Variants in ADCK1 observed in about 807,000 individuals in gnomAD.
The protein encoded by ADCK1 is aarF domain containing kinase 1.
In ADCK1, 41 loss-of-function variants were observed where a neutral mutation model predicts 52.3. That is an observed-to-expected ratio of 0.78 (90% confidence interval 0.61 to 1.02). The LOEUF is 1.02. ADCK1 is among the 50% of genes least tolerant of loss of function. The pLI, the probability that ADCK1 is intolerant of heterozygous loss-of-function variation, is 0.00. For missense variants in ADCK1, 658 were observed against 679.5 expected (o/e 0.97, Z 0.35); for synonymous variants, 250 against 274.6 (o/e 0.91, Z 0.89).
Position 77,894,736 on chromosome 14 carries a change from G to GTTTTTTTTTT in ADCK1, c.583-4345_583-4336dup. Among the ~76,000 whole-genome samples the GTTTTTTTTTT allele has an allele frequency of 7.1e-4, 26 of 36,470 alleles. 3 individuals carry two copies. The highest frequency in any genetic ancestry group is 2.1e-3 in the East Asian group (2 of 954). 23.9% of individuals were successfully genotyped at this position (36,470 alleles called of 152,430 possible). A position where few individuals can be genotyped will look rare whatever the true frequency, so the allele number is the denominator to read the frequency against. On this transcript the variant is annotated intron_variant, in intron 5 of 10. Transcript: ENST00000238561. ...TTATTTCTTTTTCTTTTCTTTTCTT[G>GTTTTTTTTTT]TTTTTTTTTTTTTTTTTTTTTTTTT... is the stretch of plus-strand genomic sequence containing the variant.
At chr14:77,886,018 A>G (rs1009938843) in intron 4 of ADCK1, among the ~76,000 whole-genome samples, 1 of 152,196 alleles carries the variant, frequency 6.6e-6, no homozygotes, top group Non-Finnish European at 1.5e-5. Flanking sequence ...AAGAGTGAGG[A>G]GTATATTTTC....
intron 3 of ADCK1, among the ~76,000 whole-genome samples, chr14:77,827,591 A>G (rs2081743365): frequency 6.6e-6 from 1 of 150,894 alleles, no homozygotes; most frequent in African/African-American, 2.4e-5. Flanking sequence ...TATGGCCCTC[A>G]GTTTGCCACT....
chr14:77,869,322 G>T (rs2082727474), intron 4 of ADCK1, among the ~76,000 whole-genome samples: 1 of 152,152 alleles, frequency 6.6e-6, no homozygotes, highest in African/African-American at 2.4e-5. Flanking sequence ...CTAGCTTCTG[G>T]GGGGTTTGCT....
At chr14:77,924,694 A>G (rs1412082477) in intron 8 of ADCK1, 88 bp downstream of exon 8, 1 of 1,538,902 alleles carries the variant, frequency 6.5e-7, no homozygotes, top group Non-Finnish European at 8.8e-7. Flanking sequence ...CGGGAGGGAG[A>G]TAGCGAGGGT....
At chr14:77,818,580 CCT>C (rs1311675708) in intron 1 of ADCK1, among the ~76,000 whole-genome samples, 1 of 152,144 alleles carries the variant, frequency 6.6e-6, no homozygotes, top group Non-Finnish European at 1.5e-5. Context: ...CCATGCTCAG[CCT>C]CTCTCTGCTT....
intron 7 of ADCK1, among the ~76,000 whole-genome samples, chr14:77,910,818 C>G (rs778236908): frequency 6.6e-6 from 1 of 152,174 alleles, no homozygotes; most frequent in East Asian, 1.9e-4. Flanking sequence ...GCAGGGCGTA[C>G]CCTCTGAGGA....
intron 4 of ADCK1, among the ~76,000 whole-genome samples, chr14:77,863,089 G>A (rs773468410): frequency 4.6e-5 from 7 of 152,216 alleles, no homozygotes; most frequent in East Asian, 3.9e-4. Flanking sequence ...GCGTTCAGCC[G>A]GTGAATAGTG....
At chr14:77,877,206 C>A (rs1432801915) in intron 4 of ADCK1, among the ~76,000 whole-genome samples, 1 of 152,190 alleles carries the variant, frequency 6.6e-6, no homozygotes, top group East Asian at 1.9e-4. Context: ...CAGGGTGAGA[C>A]TCTGTCTCAA....
rs144569941 is a variant in ADCK1 at position 77,809,901 on chromosome 14, G to C, written c.-11-9067G>C. On this transcript the variant is annotated intron_variant, in intron 1 of 10. Coordinates refer to ENST00000238561, the MANE Select transcript of ADCK1 (RefSeq NM_020421.4). ...AATACAAAAAAATTTAGCCGGGCGTGGTGGCACCTGCCTTTCGTCCCAGCT... is the reference window on the plus strand; with the variant it reads ...AATACAAAAAAATTTAGCCGGGCGTCGTGGCACCTGCCTTTCGTCCCAGCT... Among the ~76,000 whole-genome samples, 1,258 of 151,094 alleles carry C rather than the reference G, an allele frequency of 8.3e-3. 17 individuals carry two copies. The highest frequency in any genetic ancestry group is 0.029 in the African/African-American group (1,191 of 41,270).
Position 77,859,194 on chromosome 14 carries a change from G to A in ADCK1, c.338G>A (p.Ser113Asn), listed in dbSNP as rs779828368. The part of the protein sequence containing the change: ...LDYLLPEEYT[S>N]TLKVLHSQAP... ...TACCTGTTGCCAGAGGAGTACACCA[G>A]CACGCTGAAGGTACTGCACAGCCAG... The change falls in exon 4 of 11, where the codon AGC becomes AAC. Residue 113 changes from serine (S) to asparagine (N), a missense_variant. Physicochemically the swap from Ser to Asn is conservative, Grantham distance 46. Transcript: ENST00000238561. 6.2e-7 allele frequency: 1 copy of A among 1,614,074 alleles called. No individual in the cohort carries two copies. The highest frequency in any genetic ancestry group is 8.5e-7 in the Non-Finnish European group (1 of 1,180,012).
intron 2 of ADCK1, 51 bp downstream of exon 2, chr14:77,819,164 G>T: frequency 6.2e-7 from 1 of 1,610,068 alleles, no homozygotes; most frequent in Non-Finnish European, 8.5e-7. Flanking sequence ...ATTACTTGCA[G>T]GTGTTCATAC....
chr14:77,854,410 A>G (rs1387375836), intron 3 of ADCK1, among the ~76,000 whole-genome samples: 1 of 152,156 alleles, frequency 6.6e-6, no homozygotes, highest in Non-Finnish European at 1.5e-5. Context: ...CCAAGGGAGT[A>G]TAGTTAGAGT....
At chr14:77,845,325 C>T (rs1280506791) in intron 3 of ADCK1, among the ~76,000 whole-genome samples, 1 of 152,188 alleles carries the variant, frequency 6.6e-6, no homozygotes, top group Non-Finnish European at 1.5e-5. Context: ...TTATGCCTAC[C>T]ATAAATGAGA....
At chr14:77,841,745 G>A (rs2082072371) in intron 3 of ADCK1, among the ~76,000 whole-genome samples, 1 of 150,970 alleles carries the variant, frequency 6.6e-6, no homozygotes, top group South Asian at 2.1e-4. Flanking sequence ...CTGGGAGGCT[G>A]AGGCAGGAGA....
intron 5 of ADCK1, among the ~76,000 whole-genome samples, chr14:77,887,919 C>A (rs1476632572): frequency 6.6e-6 from 1 of 152,120 alleles, no homozygotes; most frequent in Non-Finnish European, 1.5e-5. Context: ...TTCTTGTTTC[C>A]CTTCCTTTGC....
chr14:77,825,606 G>C (rs2140047319), intron 3 of ADCK1, among the ~76,000 whole-genome samples: 1 of 151,814 alleles, frequency 6.6e-6, no homozygotes, highest in South Asian at 2.1e-4. Flanking sequence ...CCTGAATAAA[G>C]GTTTGTTGAA....
At chr14:77,920,022 A>G (rs1016281620) in intron 7 of ADCK1, among the ~76,000 whole-genome samples, 14 of 151,498 alleles carry the variant, frequency 9.2e-5, no homozygotes, top group Non-Finnish European at 1.9e-4. Context: ...ATTTTCTCCT[A>G]CTCTATGGAT....
intron 5 of ADCK1, among the ~76,000 whole-genome samples, chr14:77,892,942 C>T (rs903420912): frequency 6.6e-5 from 10 of 152,146 alleles, no homozygotes; most frequent in South Asian, 2.1e-4. Context: ...TGAACCTTCT[C>T]CCTTGGAGAG....
intron 3 of ADCK1, among the ~76,000 whole-genome samples, chr14:77,846,454 G>A (rs556348993): frequency 6.6e-6 from 1 of 152,204 alleles, no homozygotes; most frequent in African/African-American, 2.4e-5. Flanking sequence ...CTGGAAGCCA[G>A]GCCTGGTGTG....
Sources: allele counts gnomAD v4.1 joint callset (sites outside exome capture counted in the v4.1 genomes callset), GRCh38; gene constraint gnomAD v4.1.1; transcripts MANE v1.5; gene names NCBI Gene and HGNC (gene_info 2026-07-23, HGNC 2026-07-21).